Variants in IFT27 observed in about 807,000 individuals in gnomAD.
IFT27 encodes intraflagellar transport 27.
In IFT27, 19 loss-of-function variants were observed where a neutral mutation model predicts 23.9. That is an observed-to-expected ratio of 0.79 (90% CI 0.55 to 1.16). IFT27 has a LOEUF of 1.16. Ranked by LOEUF, IFT27 falls within the 50% of genes most tolerant of loss-of-function variation. IFT27 has a pLI of 0.00. For synonymous variants in IFT27, 91 were observed against 89.1 expected, an observed-to-expected ratio of 1.02 and a Z score of -0.12; for missense variants, 206 against 228.7, an observed-to-expected ratio of 0.90 and a Z score of 0.64.
chr22:36,759,888 G>A (rs577798959), intron 6 of IFT27: 6 of 152,330 alleles, frequency 3.9e-5, no homozygotes, highest in Admixed American at 6.5e-5. Flanking sequence ...ACCTTTCCTC[G>A]AGGCCAGCTG....
rs1193562892 is a variant in IFT27 at position 36,763,528 on chromosome 22, C to T, written c.352+391G>A. On this transcript the variant is annotated intron_variant, in intron 5 of 6. Transcript: ENST00000433985. ...AGAATTTGTTGATCTCACATAGGGA[C>T]GAAAAATAAACTGATTTAAAGCATT... is the stretch of plus-strand genomic sequence containing the variant. The T allele has an allele frequency of 3.5e-5, 12 of 343,930 alleles. 1 individual carries two copies. The highest frequency in any genetic ancestry group is 1.8e-4 in the South Asian group (7 of 38,594). The allele number at this position is 343,930 out of a possible 1,614,324, so 21.3% of individuals were successfully genotyped here. A position where few individuals can be genotyped will look rare whatever the true frequency, so the allele number is the denominator to read the frequency against.
At chr22:36,761,392 A>G (rs1276678254) in intron 6 of IFT27, 2 of 152,236 alleles carry the variant, frequency 1.3e-5, no homozygotes, top group African/African-American at 4.8e-5. Context: ...CCCTCTATAC[A>G]GGAAAAGCTG....
intron 6 of IFT27, 21 bp from the exon 7 acceptor site, chr22:36,758,430 G>A: frequency 6.3e-7 from 1 of 1,595,066 alleles, no homozygotes; most frequent in Non-Finnish European, 8.6e-7. Flanking sequence ...AGTTTAAAAA[G>A]TTGGCTGTGT....
chr22:36,773,822 C>G (rs560962389), intron 1 of IFT27, among the ~76,000 whole-genome samples: 34 of 152,276 alleles, frequency 2.2e-4, no homozygotes, highest in African/African-American at 7.9e-4. Flanking sequence ...TTCTGGGCCT[C>G]AGTTGCCTCA....
At chr22:36,773,086 T>C (rs1938423879) in intron 1 of IFT27, among the ~76,000 whole-genome samples, 2 of 152,082 alleles carry the variant, frequency 1.3e-5, no homozygotes, top group Non-Finnish European at 2.9e-5. Flanking sequence ...CCGGGCATAG[T>C]GGGTGGCTCA....
rs1938164735 is a variant in IFT27, at chr22:36,763,857, T to C, written c.352+62A>G. On this transcript the variant is annotated intron_variant, in intron 5 of 6. Coordinates refer to ENST00000433985, the MANE Select transcript of IFT27 (RefSeq NM_001177701.3). ...ACCCACAGCTACCTCTGCAATGCCC[T>C]TGTGCTCTTGAACCAAAGGACAGAG... The C allele has an allele frequency of 2.5e-6, 3 of 1,209,236 alleles. No homozygotes were observed. In the South Asian group the frequency reaches 3.6e-5, roughly 15 times the overall value. The allele number at this position is 1,209,236 out of a possible 1,614,324, so 74.9% of individuals were successfully genotyped here.
At position 36,758,376 on chromosome 22, in the gene IFT27, A is replaced by G; in HGVS notation, c.496T>C (p.Cys166Arg). 1 of 1,614,120 alleles carries G rather than the reference A, an allele frequency of 6.2e-7. No individual in the cohort carries two copies. Among genetic ancestry groups the G allele is most frequent in the South Asian group, 1.1e-5 (1 of 91,084 alleles). The change falls in exon 7 of 7, where the codon TGC (cysteine) becomes CGC (arginine). Residue 166 changes from cysteine (C) to arginine (R), a missense_variant. Physicochemically the swap from Cys to Arg is radical, Grantham distance 180. Transcript: ENST00000433985. ...AGCTGGTGGAACTGCTTGGCAAGGC[A>G]GTGGAAAGGGGCTTCGAAGTTTTCC... Reference protein sequence around the residue: ...EMENFEAPFHCLAKQFHQLYR... With the variant: ...EMENFEAPFHRLAKQFHQLYR...
intron 1 of IFT27, among the ~76,000 whole-genome samples, chr22:36,774,025 T>G (rs190831320): frequency 2.7e-4 from 41 of 152,142 alleles, no homozygotes; most frequent in African/African-American, 9.6e-4. Context: ...CAGAAAATAA[T>G]GTTCCCACCT....
intron 5 of IFT27, 72 bp from the exon 6 acceptor site, chr22:36,763,085 GCA>G (rs1401029532): frequency 8.7e-7 from 1 of 1,149,804 alleles, no homozygotes; most frequent in Non-Finnish European, 1.3e-6. Flanking sequence ...CGAGATGAGA[GCA>G]CTATTTTTGA....
chr22:36,766,328 C>T (rs1270405523), intron 3 of IFT27, 131 bp from the exon 4 acceptor site: 10 of 730,566 alleles, frequency 1.4e-5, no homozygotes, highest in Non-Finnish European at 2.4e-5. Flanking sequence ...CACACATGCT[C>T]TGTCTTTTCT....
In IFT27 at chr22:36,758,704, G is replaced by A. The variant is rs1034509467; in HGVS notation, c.463-295C>T. The A allele has an allele frequency of 1.8e-4, 67 of 373,036 alleles. 1 individual carries two copies. In the South Asian group the frequency reaches 2.1e-3, roughly 12 times the overall value. 23.1% of individuals were successfully genotyped at this position (373,036 alleles called of 1,614,324 possible). Reference sequence around the variant, plus strand: ...GCCTGTGCTTTTAGTTGCAGTCACTGTACGTGTGACGAGATGTGAAAATGA... The same window carrying A: ...GCCTGTGCTTTTAGTTGCAGTCACTATACGTGTGACGAGATGTGAAAATGA... On this transcript the variant is annotated intron_variant, in intron 6 of 6. Transcript: ENST00000433985.
chr22:36,763,143 GC>G (rs575425355), intron 5 of IFT27, 130 bp from the exon 6 acceptor site: 108 of 561,000 alleles, frequency 1.9e-4, no homozygotes, highest in East Asian at 3.0e-4. Context: ...GAGGTGGTGA[GC>G]CCCCCCACAG....
At chr22:36,763,576 T>C (rs907542576) in intron 5 of IFT27, 1 of 410,856 alleles carries the variant, frequency 2.4e-6, no homozygotes, top group Non-Finnish European at 4.6e-6. Context: ...CAGGCTTGAA[T>C]GTTTACTTGT....
At chr22:36,765,435 C>T (rs533274644) in intron 4 of IFT27, among the ~76,000 whole-genome samples, 5 of 152,186 alleles carry the variant, frequency 3.3e-5, no homozygotes, top group East Asian at 1.9e-4. Flanking sequence ...CGTCGTGAAC[C>T]GATGCATGAA....
chr22:36,769,210 C>T (rs1234385591), intron 1 of IFT27, among the ~76,000 whole-genome samples: 1 of 152,192 alleles, frequency 6.6e-6, no homozygotes, highest in African/African-American at 2.4e-5. Context: ...TTCACACAAT[C>T]CCATTCATTC....
In IFT27 at chr22:36,767,828, C is replaced by T; in HGVS notation, c.69G>A (p.Gln23=). 6.2e-7 allele frequency: 1 copy of T among 1,614,234 alleles called. No individual in the cohort carries two copies. Among genetic ancestry groups the T allele is most frequent in the South Asian group, 1.1e-5 (1 of 91,084 alleles). Residue 23 remains glutamine (Q), a synonymous_variant, in exon 2 of 7, where the codon CAG becomes CAA. Transcript: ENST00000433985. Reference sequence around the variant, plus strand: ...AATGGGCTCCATCACTGCGGAAGATCTGTGCCAGGGCGGTCTTGCCCACTG... The same window carrying T: ...AATGGGCTCCATCACTGCGGAAGATTTGTGCCAGGGCGGTCTTGCCCACTG... ...DPAVGKTALA[Q]IFRSDGAHFQ... is the part of the protein sequence containing the mutation.
intron 1 of IFT27, among the ~76,000 whole-genome samples, chr22:36,770,294 C>G (rs987631434): frequency 6.6e-6 from 1 of 152,124 alleles, no homozygotes; most frequent in Non-Finnish European, 1.5e-5. Flanking sequence ...CTGAAGTGAC[C>G]CCTTCCTTCC....
intron 6 of IFT27, 25 bp downstream of exon 6, chr22:36,762,879 C>A: frequency 1.3e-6 from 2 of 1,492,756 alleles, no homozygotes; most frequent in Non-Finnish European, 1.8e-6. Flanking sequence ...CCAGACTTGG[C>A]GACGAGGCAA....
chr22:36,761,371 A>G (rs1938086095), intron 6 of IFT27: 1 of 152,254 alleles, frequency 6.6e-6, no homozygotes, highest in South Asian at 2.1e-4. Flanking sequence ...TGCTGCAGAA[A>G]AGATGGCAAA....
Sources: gnomAD v4.1 joint callset for allele counts (sites outside exome capture counted in the v4.1 genomes callset) on GRCh38, gnomAD v4.1.1 for gene constraint, MANE v1.5 for transcripts, NCBI Gene and HGNC (gene_info 2026-07-23, HGNC 2026-07-21) for gene names.